The following TBC1D5 variants were observed in gnomAD, a reference collection of about 807,000 sequenced individuals.
The protein encoded by TBC1D5 is TBC1 domain family member 5.
A neutral mutation model predicts 100.3 loss-of-function variants in TBC1D5; 75 were observed. That is an observed-to-expected ratio of 0.75 (90% CI 0.62 to 0.91). The LOEUF (loss-of-function observed/expected upper bound fraction) is 0.91, where lower values mean the gene tolerates loss of function less well. Ranked by LOEUF, TBC1D5 falls within the 40% of genes least tolerant of loss-of-function variation. TBC1D5 has a pLI of 0.00. For missense variants in TBC1D5, 910 were observed against 942.4 expected, an observed-to-expected ratio of 0.97 and a Z score of 0.45; for synonymous variants, 323 against 325.6, an observed-to-expected ratio of 0.99 and a Z score of 0.09.
chr3:17,682,061 A>G lies in TBC1D5; in HGVS notation c.-101+57282T>C, dbSNP rs2069563772. On this transcript the variant is annotated intron_variant, in intron 1 of 21. Coordinates refer to ENST00000253692, the Ensembl canonical transcript of TBC1D5. The stretch of plus-strand genomic sequence containing the variant: ...CCCTACCCTTCCCCCCACCGTCCAT[A>G]TAAAAATTGTCTTCCATGAAACCAA... 1.3e-5 allele frequency among the ~76,000 whole-genome samples: 2 copies of G among 151,404 alleles called. 1 individual carries two copies. Among genetic ancestry groups the G allele is most frequent in the Non-Finnish European group, 2.9e-5 (2 of 68,026 alleles).
At chr3:17,461,614 A>G (rs2095211910) in intron 3 of TBC1D5, among the ~76,000 whole-genome samples, 1 of 152,076 alleles carries the variant, frequency 6.6e-6, no homozygotes, top group Non-Finnish European at 1.5e-5. Flanking sequence ...AGTACTGTGT[A>G]TAAATCTGTC....
At chr3:17,707,045 G>A (rs1321547293) in intron 1 of TBC1D5, among the ~76,000 whole-genome samples, 3 of 151,498 alleles carry the variant, frequency 2.0e-5, no homozygotes, top group South Asian at 2.1e-4. Flanking sequence ...GGATAATTTC[G>A]GTAAATGTTT....
intron 3 of TBC1D5, among the ~76,000 whole-genome samples, chr3:17,438,835 A>T (rs914687190): frequency 6.6e-6 from 1 of 152,148 alleles, no homozygotes; most frequent in African/African-American, 2.4e-5. Context: ...TCCTCAAAAC[A>T]ACAAAACAAA....
intron 13 of TBC1D5, among the ~76,000 whole-genome samples, chr3:17,309,216 G>C (rs935077225): frequency 6.6e-6 from 1 of 151,846 alleles, no homozygotes; most frequent in Admixed American, 6.6e-5. Context: ...ATTTTCCTTA[G>C]AGAGCAATAT....
chr3:17,721,424 A>G (rs1056848295), intron 1 of TBC1D5, among the ~76,000 whole-genome samples: 1 of 151,574 alleles, frequency 6.6e-6, no homozygotes, highest in Non-Finnish European at 1.5e-5. Context: ...CATGAACTTC[A>G]ACATCAAGAG....
intron 2 of TBC1D5, among the ~76,000 whole-genome samples, chr3:17,601,681 T>C (rs1244520069): frequency 6.6e-6 from 1 of 152,196 alleles, no homozygotes; most frequent in Non-Finnish European, 1.5e-5. Context: ...TTTTAGAAAC[T>C]TGTCATTTCA....
At chr3:17,443,692 A>G (rs747782270) in intron 3 of TBC1D5, among the ~76,000 whole-genome samples, 3 of 152,192 alleles carry the variant, frequency 2.0e-5, no homozygotes, top group Non-Finnish European at 4.4e-5. Flanking sequence ...GAAAAATAGA[A>G]GTTCACTGTA....
Position 17,402,846 on chromosome 3 carries a change from A to G in TBC1D5, c.509+335T>C, listed in dbSNP as rs145740448. 2.9e-3 allele frequency among the ~76,000 whole-genome samples: 444 copies of G among 152,286 alleles called. 3 individuals are homozygous for G. Among genetic ancestry groups the G allele is most frequent in the Non-Finnish European group, 5.4e-3 (365 of 68,006 alleles). On this transcript the variant is annotated intron_variant, in intron 8 of 21. Transcript: ENST00000253692. ...GTTAGAAAGGGATTCAAATGCATAA[A>G]GCAAGGGATAAATTTTTCTGGCAAC...
intron 3 of TBC1D5, among the ~76,000 whole-genome samples, chr3:17,458,413 C>T (rs1388782425): frequency 6.6e-6 from 1 of 152,162 alleles, no homozygotes; most frequent in East Asian, 1.9e-4. Context: ...TCCCCCTGTT[C>T]CTCACCACGG....
chr3:17,630,998 G>A (rs2063457163), intron 1 of TBC1D5, among the ~76,000 whole-genome samples: 2 of 143,480 alleles, frequency 1.4e-5, no homozygotes, highest in Admixed American at 1.4e-4. Context: ...GAGCCGAGAT[G>A]GCACCACTGC....
chr3:17,158,506 G>A (rs1335822461), exon 22 of TBC1D5: 1 of 152,208 alleles, frequency 6.6e-6, no homozygotes, highest in African/African-American at 2.4e-5. Context: ...ACATAAGGCA[G>A]TAATACAATT....
intron 3 of TBC1D5, among the ~76,000 whole-genome samples, chr3:17,500,597 C>T (rs2095774133): frequency 1.3e-5 from 2 of 149,428 alleles, no homozygotes; most frequent in Admixed American, 1.3e-4. Context: ...TGTATTTCCT[C>T]CTTTTATACT....
chr3:17,208,858 C>T (rs557295547), intron 18 of TBC1D5, among the ~76,000 whole-genome samples: 48 of 152,270 alleles, frequency 3.2e-4, no homozygotes, highest in Non-Finnish European at 6.5e-4. Flanking sequence ...TTCATAGACA[C>T]GTTCTTTGTA....
Position 17,228,750 on chromosome 3 carries a change from C to G in TBC1D5, c.1588+9413G>C, listed in dbSNP as rs187225998. Among the ~76,000 whole-genome samples, 114 of 149,076 alleles carry G rather than the reference C, an allele frequency of 7.6e-4. 2 individuals are homozygous for G. In the South Asian group the frequency reaches 0.012, roughly 15 times the overall value. ...CTGTTCGGATGAGACACAGCTGTGT[C>G]TAGCTATCTTATGTCCTTCCTTCAT... On this transcript the variant is annotated intron_variant, in intron 17 of 21. Transcript: ENST00000253692.
intron 1 of TBC1D5, among the ~76,000 whole-genome samples, chr3:17,626,285 TTC>T (rs1271386996): frequency 6.6e-6 from 1 of 152,206 alleles, no homozygotes; most frequent in Non-Finnish European, 1.5e-5. Flanking sequence ...TAGAGCATCT[TTC>T]TCTCTCTTCC....
exon 22 of TBC1D5, chr3:17,160,444 G>C (rs915093816): frequency 1.3e-5 from 2 of 154,114 alleles, no homozygotes; most frequent in African/African-American, 4.8e-5. Context: ...TTAGCTCTGC[G>C]ATATGGCTTC....
At chr3:17,606,839 C>T (rs1159880333) in intron 2 of TBC1D5, among the ~76,000 whole-genome samples, 2 of 151,916 alleles carry the variant, frequency 1.3e-5, no homozygotes, top group African/African-American at 2.4e-5. Context: ...ATCAAAACTC[C>T]CAAAAAACGA....
intron 13 of TBC1D5, among the ~76,000 whole-genome samples, chr3:17,366,010 C>A (rs1236326473): frequency 6.6e-6 from 1 of 152,106 alleles, no homozygotes; most frequent in African/African-American, 2.4e-5. Context: ...AGCCTTTTGG[C>A]CAGGTGTGCT....
chr3:17,598,514 C>CT (rs1375477249), intron 2 of TBC1D5, among the ~76,000 whole-genome samples: 5 of 151,964 alleles, frequency 3.3e-5, no homozygotes, highest in African/African-American at 4.8e-5. Context: ...TTTCAGAGTT[C>CT]TTTTTTTTAA....
Sources: gnomAD v4.1 joint callset for allele counts (sites outside exome capture counted in the v4.1 genomes callset) on GRCh38, gnomAD v4.1.1 for gene constraint, MANE v1.5 for transcripts, NCBI Gene and HGNC (gene_info 2026-07-23, HGNC 2026-07-21) for gene names.